RASGRP2: variants seen among roughly 807,000 people sequenced by gnomAD.
RASGRP2 encodes the protein RAS guanyl-releasing protein 2.
In RASGRP2, 44 loss-of-function variants were observed where a neutral mutation model predicts 71.0. The ratio of observed to expected loss-of-function variants is 0.62; its 90% CI spans 0.49 to 0.80. The LOEUF (loss-of-function observed/expected upper bound fraction) is 0.80, where lower values mean the gene tolerates loss of function less well. RASGRP2 is among the 30% of genes least tolerant of loss of function. RASGRP2 has a pLI of 0.00. For missense variants in RASGRP2, 663 were observed against 813.4 expected (o/e 0.82, Z 2.25); for synonymous variants, 350 against 330.7 (o/e 1.06, Z -0.63).
chr11:64,739,241 C>G lies in RASGRP2; in HGVS notation c.813+119G>C. 2.4e-6 allele frequency: 2 copies of G among 820,842 alleles called. No individual in the cohort carries two copies. Among genetic ancestry groups the G allele is most frequent in the Non-Finnish European group, 4.2e-6 (2 of 480,764 alleles). The allele number at this position is 820,842 out of a possible 1,614,324, so 50.8% of individuals were successfully genotyped here. Reference sequence around the variant, plus strand: ...AAACTGAGAAAAGCACTTAACCCCTCTGAGCCTCCATTTCCATATCTATCA... The same window carrying G: ...AAACTGAGAAAAGCACTTAACCCCTGTGAGCCTCCATTTCCATATCTATCA... On this transcript the variant is annotated intron_variant, in intron 8 of 16. Transcript: ENST00000394432. The surrounding 1 kb of genome is among the most constrained non-coding windows in gnomAD (Gnocchi z 4.2).
intron 12 of RASGRP2, among the ~76,000 whole-genome samples, chr11:64,733,887 A>G (rs1213579357): frequency 7.2e-6 from 1 of 139,514 alleles, no homozygotes; most frequent in African/African-American, 2.7e-5. Flanking sequence ...GATCTCGCGC[A>G]GTCACCCAGG....
chr11:64,737,789 C>A (rs2057994534), intron 8 of RASGRP2, among the ~76,000 whole-genome samples: 1 of 151,978 alleles, frequency 6.6e-6, no homozygotes, highest in Non-Finnish European at 1.5e-5. Context: ...GGCAGTGGCT[C>A]ACACCTGTAA....
rs1239074149 is a variant in RASGRP2 at position 64,742,559 on chromosome 11, C to T, written c.73+235G>A. The stretch of plus-strand genomic sequence containing the variant: ...CCCTCAAGTGTCAGAGTCCGGGACC[C>T]GGCCCTCCCTTCGCCGCCGCTGGGG... On this transcript the variant is annotated intron_variant, in intron 2 of 16. Transcript: ENST00000394432. The surrounding 1 kb of genome is among the most constrained non-coding windows in gnomAD (Gnocchi z 4.7). 3.4e-5 allele frequency: 21 copies of T among 615,976 alleles called. 1 individual carries two copies. In the South Asian group the frequency reaches 3.5e-4, roughly 10 times the overall value. The allele number at this position is 615,976 out of a possible 1,614,324, so 38.2% of individuals were successfully genotyped here.
chr11:64,729,674 A>G (rs2057695882), intron 14 of RASGRP2, 88 bp downstream of exon 14: 9 of 1,498,654 alleles, frequency 6.0e-6, no homozygotes, highest in Non-Finnish European at 7.4e-6. Context: ...CTCCTTGGCA[A>G]TTGCCCCACC....
At chr11:64,741,940 C>T in intron 3 of RASGRP2, 70 bp downstream of exon 3, 5 of 1,350,050 alleles carry the variant, frequency 3.7e-6, no homozygotes, top group Non-Finnish European at 5.2e-6. Context: ...TCATTCTGCA[C>T]CTGGGCTGGG....
upstream of RASGRP2, chr11:64,744,149 C>G (rs541857911): frequency 1.6e-4 from 154 of 986,990 alleles, no homozygotes; most frequent in Admixed American, 3.1e-4. Context: ...CAGTGCCTCT[C>G]CACGCATGTA....
Position 64,727,110 on chromosome 11 carries a change from T to A in RASGRP2, c.*28A>T. On this transcript the variant is annotated 3_prime_UTR_variant, in exon 17 of 17. Coordinates refer to ENST00000394432, the MANE Select transcript of RASGRP2 (RefSeq NM_001098671.2). ...TGAAGTATTTTCTCCAAGGCAGGAA[T>A]GAGTCCTTGATCCAACCACAGCTGG... 1 of 421,046 alleles carries A rather than the reference T, an allele frequency of 2.4e-6. No individual in the cohort carries two copies. The allele number at this position is 421,046 out of a possible 1,614,324, so 26.1% of individuals were successfully genotyped here. A position where few individuals can be genotyped will look rare whatever the true frequency, so the allele number is the denominator to read the frequency against.
chr11:64,740,277 G>A (rs778017238), intron 5 of RASGRP2, 114 bp from the exon 6 acceptor site: 1 of 1,367,934 alleles, frequency 7.3e-7, no homozygotes, highest in South Asian at 1.2e-5. Flanking sequence ...GCGAGGCACT[G>A]TCCTAGGCAC....
At chr11:64,744,962 C>T (rs1592399747), upstream of RASGRP2, 1 of 149,568 alleles carries the variant, frequency 6.7e-6, no homozygotes, top group Non-Finnish European at 1.5e-5. Flanking sequence ...ACCGGGGGCT[C>T]CCTCTCGCCC....
Position 64,742,206 on chromosome 11 carries a change from G to C in RASGRP2, c.74-94C>G, listed in dbSNP as rs2058150942. The C allele has an allele frequency of 3.0e-6, 3 of 984,638 alleles. No individual in the cohort carries two copies. Among genetic ancestry groups the C allele is most frequent in the South Asian group, 2.8e-5 (2 of 72,592 alleles). The allele number at this position is 984,638 out of a possible 1,614,324, so 61.0% of individuals were successfully genotyped here. On this transcript the variant is annotated intron_variant, in intron 2 of 16. Transcript: ENST00000394432. This position sits in a 1 kb window ranked among gnomAD's most constrained non-coding sequence, Gnocchi z 4.7. ...GCAACCCGCCAGGTATCGGTCCTTC[G>C]GGTGCACGCTCGACCCCGCCCACCT... is the stretch of plus-strand genomic sequence containing the variant.
Position 64,735,895 on chromosome 11 carries a change from C to T in RASGRP2, c.1173+8G>A, listed in dbSNP as rs374163992. 224 of 1,610,916 alleles carry T rather than the reference C, an allele frequency of 1.4e-4. 1 individual carries two copies. In the African/African-American group the frequency reaches 2.3e-3, roughly 17 times the overall value. On this transcript the variant is annotated splice_region_variant and intron_variant, in intron 10 of 16. Transcript: ENST00000394432. The surrounding 1 kb of genome is among the most constrained non-coding windows in gnomAD (Gnocchi z 4.2). ...GGGCAGAGTGGAGAGGAGGGAGTAC[C>T]CCCTCACCGAGGACTTGGAGCGCGG...
chr11:64,737,070 A>G (rs778981115), intron 8 of RASGRP2, 36 bp from the exon 9 acceptor site: 10 of 1,611,328 alleles, frequency 6.2e-6, no homozygotes, highest in Non-Finnish European at 8.5e-6. Context: ...TACCCCCACA[A>G]CTATCCTCCC....
At chr11:64,727,275 G>A (rs1272499524) in intron 16 of RASGRP2, 21 bp downstream of exon 16, 12 of 1,610,504 alleles carry the variant, frequency 7.5e-6, no homozygotes, top group Non-Finnish European at 1.0e-5. Flanking sequence ...GAGCTCTGGT[G>A]CCAGCTGTGG....
intron 12 of RASGRP2, among the ~76,000 whole-genome samples, chr11:64,733,641 C>T (rs144352209): frequency 5.3e-5 from 8 of 152,168 alleles, no homozygotes; most frequent in African/African-American, 1.9e-4. Flanking sequence ...ATGATAAAAG[C>T]CACAAGCAGA....
chr11:64,741,178 C>G (rs529266408), intron 4 of RASGRP2, 99 bp from the exon 5 acceptor site: 2 of 1,448,506 alleles, frequency 1.4e-6, no homozygotes, highest in East Asian at 4.9e-5. Context: ...AGCAAAAAGA[C>G]CCTCAAACTA....
Position 64,735,627 on chromosome 11 carries a change from G to A in RASGRP2, c.1211C>T (p.Pro404Leu). Residue 404 changes from proline to leucine, a missense_variant, in exon 11 of 17, where the codon CCC becomes CTC. Transcript: ENST00000394432. The surrounding 1 kb of genome is among the most constrained non-coding windows in gnomAD (Gnocchi z 4.2). ...CGAGGTCCACTCCTCCAGTACCGGG[G>A]GCCGGGGTGGTGGGGTGCAACTCGT... Reference protein sequence around the residue: ...SPTSCTPPPRPPVLEEWTSAA... With the variant: ...SPTSCTPPPRLPVLEEWTSAA... 1 of 1,613,858 alleles carries A rather than the reference G, an allele frequency of 6.2e-7. No homozygotes were observed. Among genetic ancestry groups the A allele is most frequent in the Admixed American group, 1.7e-5 (1 of 59,996 alleles).
Position 64,743,700 on chromosome 11 carries a change from A to G in RASGRP2, c.-72+303T>C. The G allele has an allele frequency of 2.7e-6, 1 of 372,134 alleles. No homozygotes were observed. The highest frequency in any genetic ancestry group is 5.2e-6 in the Non-Finnish European group (1 of 192,914). 23.1% of individuals were successfully genotyped at this position (372,134 alleles called of 1,614,324 possible). ...CCTGACCCTGGCCCCGGCCCCGCAC[A>G]GGCGAACTGTGAGCGCGCACGGAGC... is the stretch of plus-strand genomic sequence containing the variant. On this transcript the variant is annotated intron_variant, in intron 1 of 16. Coordinates refer to ENST00000394432, the MANE Select transcript of RASGRP2 (RefSeq NM_001098671.2). The surrounding 1 kb of genome is among the most constrained non-coding windows in gnomAD (Gnocchi z 4.9).
chr11:64,743,147 C>A lies in RASGRP2; in HGVS notation c.-71-210G>T, dbSNP rs779162862. The stretch of plus-strand genomic sequence containing the variant: ...CGCAGAGAGGCTTCCGGCCCACCCT[C>A]GGAGTCGCGGGAAGGCCGAGGGGCT... On this transcript the variant is annotated intron_variant, in intron 1 of 16. Transcript: ENST00000394432. The surrounding 1 kb of genome is among the most constrained non-coding windows in gnomAD (Gnocchi z 4.9). 1 of 647,030 alleles carries A rather than the reference C, an allele frequency of 1.5e-6. No homozygotes were observed. Among genetic ancestry groups the A allele is most frequent in the Non-Finnish European group, 2.8e-6 (1 of 352,510 alleles). 40.1% of individuals were successfully genotyped at this position (647,030 alleles called of 1,614,324 possible). A position where few individuals can be genotyped will look rare whatever the true frequency, so the allele number is the denominator to read the frequency against.
intron 8 of RASGRP2, among the ~76,000 whole-genome samples, chr11:64,737,434 G>C (rs913845005): frequency 9.9e-5 from 15 of 152,084 alleles, no homozygotes; most frequent in African/African-American, 3.6e-4. Flanking sequence ...ACTTTGGGAG[G>C]CCATGGCAGA....
Sources: allele counts gnomAD v4.1 joint callset (sites outside exome capture counted in the v4.1 genomes callset), GRCh38; gene constraint gnomAD v4.1.1; non-coding constraint Gnocchi (gnomAD v3.1); transcripts MANE v1.5; gene names NCBI Gene and HGNC (gene_info 2026-07-23, HGNC 2026-07-21).